FHIT: variants seen among roughly 807,000 people sequenced by gnomAD.
FHIT encodes the protein bis(5'-adenosyl)-triphosphatase.
A neutral mutation model predicts 17.9 loss-of-function variants in FHIT; 19 were observed. The observed-to-expected ratio is 1.06, with a 90% CI of 0.74 to 1.56. The LOEUF is 1.56. Among genes scored for constraint, FHIT ranks in the 40% most tolerant of loss-of-function variants. The pLI is 0.00. For synonymous variants in FHIT, 81 were observed against 69.7 expected (o/e 1.16, Z -0.81); for missense variants, 248 against 189.2 (o/e 1.31, Z -1.82).
In FHIT at chr3:59,875,382, C is replaced by T. The variant is rs1165339111; in HGVS notation, c.348+46964G>A. Among the ~76,000 whole-genome samples, 6 of 152,172 alleles carry T rather than the reference C, an allele frequency of 3.9e-5. No homozygotes were observed. In the East Asian group the frequency reaches 1.2e-3, roughly 29 times the overall value. On this transcript the variant is annotated intron_variant, in intron 8 of 9. Transcript: ENST00000492590. ...ACATTGCCCCAGCTTACCTCTTCAT[C>T]ATCATTTGGGAAGGCCAGAGAAGTG...
chr3:60,170,350 C>G (rs773266762), intron 5 of FHIT, among the ~76,000 whole-genome samples: 3 of 152,044 alleles, frequency 2.0e-5, no homozygotes, highest in Non-Finnish European at 4.4e-5. Flanking sequence ...TCTGTAAATC[C>G]AACCATGAAT....
At position 61,157,724 on chromosome 3, in the gene FHIT, T is replaced by C. The variant is rs1465443042; in HGVS notation, c.-164+42893A>G. 2.0e-5 allele frequency among the ~76,000 whole-genome samples: 3 copies of C among 152,216 alleles called. No homozygotes were observed. The East Asian group carries it at 5.8e-4, about 29-fold the overall frequency. ...TATGTTCTAGTTGCCAGTAGAGCCA[T>C]GTTTTACTTTCTCACATATGTACCA... is the stretch of plus-strand genomic sequence containing the variant. On this transcript the variant is annotated intron_variant, in intron 2 of 9. Coordinates refer to ENST00000492590, the MANE Select transcript of FHIT (RefSeq NM_002012.4).
At chr3:60,584,944 C>T (rs951244293) in intron 4 of FHIT, among the ~76,000 whole-genome samples, 1 of 151,978 alleles carries the variant, frequency 6.6e-6, no homozygotes, top group Non-Finnish European at 1.5e-5. Flanking sequence ...AGCCCATAAA[C>T]CTAATCTAAA....
chr3:60,913,414 G>A (rs1553766390), intron 3 of FHIT, among the ~76,000 whole-genome samples: 1 of 152,076 alleles, frequency 6.6e-6, no homozygotes, highest in Non-Finnish European at 1.5e-5. Context: ...TTTCACCTGG[G>A]GACTTCATAG....
At chr3:60,501,552 A>C (rs753869767) in intron 5 of FHIT, among the ~76,000 whole-genome samples, 5 of 152,104 alleles carry the variant, frequency 3.3e-5, no homozygotes, top group Admixed American at 6.5e-5. Context: ...ATTATTTGGG[A>C]GTGGCTGGCT....
intron 4 of FHIT, among the ~76,000 whole-genome samples, chr3:60,685,796 T>C (rs1460992860): frequency 4.6e-5 from 7 of 152,202 alleles, no homozygotes; most frequent in African/African-American, 1.4e-4. Context: ...TGAAATTACA[T>C]CTACCTGTAT....
intron 5 of FHIT, among the ~76,000 whole-genome samples, chr3:60,508,356 A>C (rs1442159161): frequency 6.6e-6 from 1 of 152,204 alleles, no homozygotes; most frequent in African/African-American, 2.4e-5. Flanking sequence ...TGGATTATGA[A>C]TTTGACTTAA....
At chr3:60,593,521 T>C (rs2038160528) in intron 4 of FHIT, among the ~76,000 whole-genome samples, 2 of 152,158 alleles carry the variant, frequency 1.3e-5, no homozygotes, top group African/African-American at 4.8e-5. Context: ...ATTTTAGCTT[T>C]CTACATTGGC....
chr3:61,004,824 G>A (rs1032888403), intron 3 of FHIT, among the ~76,000 whole-genome samples: 10 of 152,152 alleles, frequency 6.6e-5, no homozygotes, highest in East Asian at 3.9e-4. Context: ...GCCGCCAACC[G>A]CAGAGAACTG....
At chr3:59,886,019 A>G (rs1703608911) in intron 8 of FHIT, among the ~76,000 whole-genome samples, 1 of 152,164 alleles carries the variant, frequency 6.6e-6, no homozygotes, top group African/African-American at 2.4e-5. Flanking sequence ...ACATTTGGGG[A>G]ACACCATTCC....
chr3:60,335,762 A>G (rs1710205893), intron 5 of FHIT, among the ~76,000 whole-genome samples: 2 of 152,218 alleles, frequency 1.3e-5, no homozygotes, highest in South Asian at 4.1e-4. Context: ...AAACTATATT[A>G]AATTAATTAT....
chr3:61,108,306 T>G (rs890086985), intron 2 of FHIT, among the ~76,000 whole-genome samples: 2 of 152,172 alleles, frequency 1.3e-5, no homozygotes, highest in Non-Finnish European at 2.9e-5. Context: ...AAGTAATCAT[T>G]TATCCTAACT....
intron 2 of FHIT, among the ~76,000 whole-genome samples, chr3:61,049,810 G>T (rs1018249711): frequency 2.0e-5 from 3 of 152,156 alleles, no homozygotes; most frequent in Non-Finnish European, 4.4e-5. Context: ...CCTGAAGCAG[G>T]TCATGAACCA....
At chr3:59,787,266 T>C (rs1025764635) in intron 8 of FHIT, among the ~76,000 whole-genome samples, 2 of 152,220 alleles carry the variant, frequency 1.3e-5, no homozygotes, top group Admixed American at 1.3e-4. Flanking sequence ...AAATCTTGAA[T>C]TATTTCCATG....
chr3:60,966,743 C>A (rs955596598), intron 3 of FHIT, among the ~76,000 whole-genome samples: 1 of 152,124 alleles, frequency 6.6e-6, no homozygotes, highest in African/African-American at 2.4e-5. Context: ...GCTATTGTAG[C>A]AAGGATGATA....
At chr3:60,334,988 C>A (rs367619012) in intron 5 of FHIT, among the ~76,000 whole-genome samples, 32 of 152,216 alleles carry the variant, frequency 2.1e-4, no homozygotes, top group Admixed American at 2.6e-4. Flanking sequence ...ATGTACCCAA[C>A]AAAACTTCCT....
At chr3:60,022,899 C>G (rs757307257) in intron 5 of FHIT, among the ~76,000 whole-genome samples, 67 of 152,150 alleles carry the variant, frequency 4.4e-4, no homozygotes, top group Middle Eastern at 3.4e-3. Context: ...TCTCAGTAAC[C>G]GTTATGAAAA....
chr3:60,694,997 C>T (rs2041082379), intron 4 of FHIT, among the ~76,000 whole-genome samples: 1 of 152,040 alleles, frequency 6.6e-6, no homozygotes, highest in Non-Finnish European at 1.5e-5. Context: ...ACCAACATGG[C>T]ACATGTATAC....
chr3:60,492,654 C>T (rs1269522473), intron 5 of FHIT, among the ~76,000 whole-genome samples: 2 of 151,862 alleles, frequency 1.3e-5, no homozygotes, highest in Admixed American at 6.6e-5. Context: ...TTACAGGCGC[C>T]CACCATCATG....
Sources: gnomAD v4.1 joint callset for allele counts (sites outside exome capture counted in the v4.1 genomes callset) on GRCh38, gnomAD v4.1.1 for gene constraint, MANE v1.5 for transcripts, NCBI Gene and HGNC (gene_info 2026-07-23, HGNC 2026-07-21) for gene names.